ZFYVE16: variants seen among roughly 807,000 people sequenced by gnomAD.
ZFYVE16 encodes zinc finger FYVE-type containing 16.
A neutral mutation model predicts 138.1 loss-of-function variants in ZFYVE16; 89 were observed. That is an observed-to-expected ratio of 0.64 (90% CI 0.54 to 0.77). The LOEUF is 0.77. Ranked by LOEUF, ZFYVE16 falls within the 30% of genes least tolerant of loss-of-function variation. ZFYVE16 has a pLI of 0.00. For missense variants in ZFYVE16, 1,793 were observed against 1,786.7 expected (o/e 1.00, Z -0.06); for synonymous variants, 596 against 618.3 (o/e 0.96, Z 0.53).
At position 80,480,268 on chromosome 5, in the gene ZFYVE16, A is replaced by G. The variant is rs569150664; in HGVS notation, c.*2891A>G. ...CTATACGATAAAAAGTTGTGGAGCTAATCTGGAAAAGAACTGAATATAAAC... is the reference window on the plus strand; with the variant it reads ...CTATACGATAAAAAGTTGTGGAGCTGATCTGGAAAAGAACTGAATATAAAC... On this transcript the variant is annotated 3_prime_UTR_variant, in exon 19 of 19. Coordinates refer to ENST00000505560, the MANE Select transcript of ZFYVE16 (RefSeq NM_001284236.3). Among the ~76,000 whole-genome samples, 5 of 152,338 alleles carry G rather than the reference A, an allele frequency of 3.3e-5. No individual in the cohort carries two copies. Among genetic ancestry groups the G allele is most frequent in the African/African-American group, 1.2e-4 (5 of 41,570 alleles).
intron 15 of ZFYVE16, among the ~76,000 whole-genome samples, chr5:80,470,102 T>TGTGTG (rs1491134484): frequency 2.0e-4 from 4 of 20,290 alleles, no homozygotes; most frequent in South Asian, 1.7e-3. Flanking sequence ...TGTGTGTGTA[T>TGTGTG]TTTTTTTTTT....
intron 2 of ZFYVE16, among the ~76,000 whole-genome samples, chr5:80,431,687 C>A (rs1050612399): frequency 6.6e-5 from 10 of 152,158 alleles, no homozygotes; most frequent in African/African-American, 2.2e-4. Context: ...ATTTAGAAAA[C>A]CCCATCGTCT....
intron 16 of ZFYVE16, 51 bp from the exon 17 acceptor site, chr5:80,473,703 C>T (rs761991518): frequency 6.0e-6 from 8 of 1,341,818 alleles, no homozygotes; most frequent in Middle Eastern, 2.1e-4. Flanking sequence ...TAATTCATTT[C>T]AAAAACACAT....
intron 14 of ZFYVE16, among the ~76,000 whole-genome samples, chr5:80,459,163 G>C (rs543998401): frequency 6.6e-6 from 1 of 152,270 alleles, no homozygotes; most frequent in South Asian, 2.1e-4. Flanking sequence ...CTTGACCTCA[G>C]GTGATCTGCC....
chr5:80,473,972 A>G (rs755926534), intron 17 of ZFYVE16, 113 bp downstream of exon 17: 34 of 737,212 alleles, frequency 4.6e-5, no homozygotes, highest in Non-Finnish European at 7.0e-5. Context: ...TATACTTTTT[A>G]TGCTACACTT....
intron 5 of ZFYVE16, 21 bp from the exon 6 acceptor site, chr5:80,443,102 C>T: frequency 6.6e-7 from 1 of 1,509,446 alleles, no homozygotes; most frequent in Non-Finnish European, 8.8e-7. Context: ...GATTTTAACA[C>T]TATTGTTTTC....
chr5:80,409,090 A>G, intron 1 of ZFYVE16, among the ~76,000 whole-genome samples: 1 of 152,360 alleles, frequency 6.6e-6, no homozygotes, highest in Non-Finnish European at 1.5e-5. Context: ...TCCACCATGT[A>G]ATAGTAATCA....
At chr5:80,474,944 T>C (rs1183128991) in intron 18 of ZFYVE16, 114 bp downstream of exon 18, 3 of 1,120,732 alleles carry the variant, frequency 2.7e-6, no homozygotes, top group African/African-American at 1.6e-5. Context: ...GAGCATCAAA[T>C]GTGTGCTACA....
chr5:80,434,552 T>C (rs1407816181), intron 3 of ZFYVE16, among the ~76,000 whole-genome samples: 1 of 151,620 alleles, frequency 6.6e-6, no homozygotes, highest in African/African-American at 2.4e-5. Flanking sequence ...TCAGAGCTCA[T>C]TGCAGCCTCA....
At position 80,434,192 on chromosome 5, in the gene ZFYVE16, C is replaced by T; in HGVS notation, c.45C>T (p.Leu15=). The T allele has an allele frequency of 6.2e-7, 1 of 1,613,304 alleles. No homozygotes were observed. Among genetic ancestry groups the T allele is most frequent in the South Asian group, 1.1e-5 (1 of 90,976 alleles). The change falls in exon 3 of 19, where the codon CTC becomes CTT. Residue 15 remains leucine (L), a synonymous_variant. Coordinates refer to ENST00000505560, the MANE Select transcript of ZFYVE16 (RefSeq NM_001284236.3). ...CAGCTGTCAGTGACTTGGACAAACT[C>T]CTTGATGATTTTGAACAGAACCCAG... ...FKAAVSDLDK[L]LDDFEQNPDE...
In ZFYVE16 at chr5:80,424,464, T is replaced by TC. The variant is rs1327638267; in HGVS notation, c.-93-3026dup. Among the ~76,000 whole-genome samples, 37 of 86,682 alleles carry TC rather than the reference T, an allele frequency of 4.3e-4. No homozygotes were observed. The East Asian group carries it at 0.013, about 30-fold the overall frequency. 56.9% of individuals were successfully genotyped at this position (86,682 alleles called of 152,430 possible). ...TCCTGCATTGTGTCTTCCTCCAAAT[T>TC]CCTTTTTTTTTTTTTGAGACAGGAT... On this transcript the variant is annotated intron_variant, in intron 1 of 18. Coordinates refer to ENST00000505560, the MANE Select transcript of ZFYVE16 (RefSeq NM_001284236.3).
intron 7 of ZFYVE16, among the ~76,000 whole-genome samples, chr5:80,445,771 T>G (rs1356324013): frequency 6.6e-6 from 1 of 151,988 alleles, no homozygotes; most frequent in African/African-American, 2.4e-5. Flanking sequence ...ACTTTTTTTT[T>G]TTTTAGAGAT....
intron 1 of ZFYVE16, among the ~76,000 whole-genome samples, chr5:80,426,202 G>T (rs781668018): frequency 8.3e-4 from 4 of 4,822 alleles, no homozygotes; most frequent in Non-Finnish European, 2.5e-3. Flanking sequence ...TGTGTGTGTG[G>T]TGTGTGTGTG....
rs114771602 is a variant in ZFYVE16, at chr5:80,458,476, T to C, written c.3944-938T>C. 5.4e-3 allele frequency among the ~76,000 whole-genome samples: 818 copies of C among 152,320 alleles called. 8 individuals carry two copies. The highest frequency in any genetic ancestry group is 0.019 in the African/African-American group (787 of 41,584). ...CCACTTTTATAGACAAGTCATAATA[T>C]TTGCTCCATTCTATACCTTGTTTTT... On this transcript the variant is annotated intron_variant, in intron 14 of 18. Transcript: ENST00000505560.
Position 80,438,640 on chromosome 5 carries a change from T to C in ZFYVE16, c.1955T>C (p.Leu652Ser). ...QSVGGARPKQ[L>S]FSLPSRTRSS... The stretch of plus-strand genomic sequence containing the variant: ...GTTGGAGGGGCCAGACCTAAGCAAT[T>C]GTTTAGCCTTCCATCAAGAACAAGG... The change falls in exon 4 of 19, where the codon TTG (leucine) becomes TCG (serine). Residue 652 changes from leucine to serine, a missense_variant. This residue lies in a region of ZFYVE16 where 1,295 missense variants were observed against 1,204.3 expected (regional missense o/e 1.08). Transcript: ENST00000505560. The C allele has an allele frequency of 6.2e-7, 1 of 1,614,054 alleles. No homozygotes were observed. Among genetic ancestry groups the C allele is most frequent in the Non-Finnish European group, 8.5e-7 (1 of 1,179,988 alleles).
intron 1 of ZFYVE16, among the ~76,000 whole-genome samples, chr5:80,423,486 A>T (rs1196330290): frequency 6.6e-6 from 1 of 151,790 alleles, no homozygotes; most frequent in Non-Finnish European, 1.5e-5. Context: ...CTATTTCTCT[A>T]TTGTTTTCCT....
rs1755097993 is a variant in ZFYVE16 at position 80,478,394 on chromosome 5, A to G, written c.*1017A>G. The G allele has an allele frequency of 6.6e-6, 1 of 152,090 alleles. No individual in the cohort carries two copies. The highest frequency in any genetic ancestry group is 2.1e-4 in the South Asian group (1 of 4,834). 9.4% of individuals were successfully genotyped at this position (152,090 alleles called of 1,614,324 possible). ...TTAAATGAACTAATTACTTTTGCAT[A>G]TTTTAAATTCTTTATATGGTAGTTA... is the stretch of plus-strand genomic sequence containing the variant. On this transcript the variant is annotated 3_prime_UTR_variant, in exon 19 of 19. Transcript: ENST00000505560.
rs1749551460 is a variant in ZFYVE16 at position 80,434,278 on chromosome 5, C to G, written c.70+61C>G. On this transcript the variant is annotated intron_variant, in intron 3 of 18. Transcript: ENST00000505560. ...TTAAAAATATCTGTAATTAAGTTAT[C>G]TCAGGTATACAGTAATATTAGCAAA... is the stretch of plus-strand genomic sequence containing the variant. The G allele has an allele frequency of 1.9e-6, 3 of 1,554,388 alleles. No individual in the cohort carries two copies. In the South Asian group the frequency reaches 3.4e-5, roughly 18 times the overall value.
intron 16 of ZFYVE16, 26 bp downstream of exon 16, chr5:80,472,949 T>C (rs768971255): frequency 1.3e-6 from 2 of 1,555,564 alleles, no homozygotes; most frequent in Non-Finnish European, 8.7e-7. Context: ...TTCTAAAATA[T>C]AATTGATTTG....
Sources: gnomAD v4.1 joint callset for allele counts (sites outside exome capture counted in the v4.1 genomes callset) on GRCh38, gnomAD v4.1.1 for gene constraint, gnomAD v4.1.1 regional missense constraint, MANE v1.5 for transcripts, NCBI Gene and HGNC (gene_info 2026-07-23, HGNC 2026-07-21) for gene names.